Variants in TNFRSF14 observed in about 807,000 individuals in gnomAD.
The protein encoded by TNFRSF14 is TNF receptor superfamily member 14, also known as tumor necrosis factor receptor superfamily member 14.
TNFRSF14 carries 18 observed loss-of-function variants against 34.1 expected under a neutral mutation model. The observed-to-expected ratio is 0.53, with a 90% CI of 0.36 to 0.78. The LOEUF is 0.78. Among genes scored for constraint, TNFRSF14 ranks in the 30% least tolerant of loss-of-function variants. TNFRSF14 has a pLI of 0.00. For missense variants in TNFRSF14, 352 were observed against 379.5 expected (o/e 0.93, Z 0.60); for synonymous variants, 157 against 153.2 (o/e 1.02, Z -0.18).
At chr1:2,558,931 G>C in intron 3 of TNFRSF14, 1 of 1,364,916 alleles carries the variant, frequency 7.3e-7, no homozygotes, top group Non-Finnish European at 9.7e-7. Flanking sequence ...GGAGGCTGGT[G>C]CCCACCTGAG....
In TNFRSF14 at chr1:2,559,960, C is replaced by T. The variant is rs1315121556; in HGVS notation, c.442C>T (p.Gln148Ter). The change falls in exon 4 of 8, where the codon CAG becomes TAG. Residue 148 changes from glutamine (Q) to a stop codon, truncating the protein, a stop_gained. Coordinates refer to ENST00000355716, the MANE Select transcript of TNFRSF14 (RefSeq NM_003820.4). LOFTEE classifies it high-confidence loss of function. ...CGCTTACGCCACCTCCAGCCCGGGC[C>T]AGAGGGTGCAGAAGGGAGGTAAGCG... is the stretch of plus-strand genomic sequence containing the variant. ...CRAYATSSPG[Q>*]RVQKGGTESQ... 1 of 1,579,740 alleles carries T rather than the reference C, an allele frequency of 6.3e-7. No individual in the cohort carries two copies. Among genetic ancestry groups the T allele is most frequent in the South Asian group, 1.1e-5 (1 of 87,378 alleles).
intron 6 of TNFRSF14, chr1:2,562,131 G>C (rs952917038): frequency 7.0e-6 from 3 of 426,050 alleles, no homozygotes; most frequent in Admixed American, 8.2e-5. Flanking sequence ...TGCTCAGCTG[G>C]GAGAAGCTCT....
intron 3 of TNFRSF14, 175 bp downstream of exon 3, chr1:2,558,643 G>T: frequency 7.7e-7 from 1 of 1,302,508 alleles, no homozygotes; most frequent in Non-Finnish European, 1.0e-6. Flanking sequence ...GTCAGCCTCC[G>T]GCCCCCGTCC....
rs1178676603 is a variant in TNFRSF14 at position 2,559,657 on chromosome 1, C to T, written c.305-166C>T. On this transcript the variant is annotated intron_variant, in intron 3 of 7. Transcript: ENST00000355716. ...CGTCCCTTGGTGTCCCTCCCGGCCT[C>T]AGGTCCTCCATGCTGGGTACCTCTG... is the stretch of plus-strand genomic sequence containing the variant. The T allele has an allele frequency of 3.9e-6, 6 of 1,535,208 alleles. No individual in the cohort carries two copies. The East Asian group carries it at 1.2e-4, about 31-fold the overall frequency.
At chr1:2,562,762 AG>A in intron 6 of TNFRSF14, 102 bp from the exon 7 acceptor site, 1 of 1,445,392 alleles carries the variant, frequency 6.9e-7, no homozygotes, top group Non-Finnish European at 9.7e-7. Context: ...CCCAGGGAGA[AG>A]CAGGAGTTGT....
chr1:2,561,393 T>C lies in TNFRSF14; in HGVS notation c.552-280T>C. Reference sequence around the variant, plus strand: ...GCTCTGGGGTCTCTGCACTGCTGGCTGCCTCCCGCTTCTCTCCCCTCTCCC... The same window carrying C: ...GCTCTGGGGTCTCTGCACTGCTGGCCGCCTCCCGCTTCTCTCCCCTCTCCC... On this transcript the variant is annotated intron_variant, in intron 5 of 7. Coordinates refer to ENST00000355716, the MANE Select transcript of TNFRSF14 (RefSeq NM_003820.4). This position sits in a 1 kb window ranked among gnomAD's most constrained non-coding sequence, Gnocchi z 6.0. 2 of 1,214,234 alleles carry C rather than the reference T, an allele frequency of 1.6e-6. No homozygotes were observed. The highest frequency in any genetic ancestry group is 2.3e-6 in the Non-Finnish European group (2 of 881,776). 75.2% of individuals were successfully genotyped at this position (1,214,234 alleles called of 1,614,324 possible).
In TNFRSF14 at chr1:2,559,839, G is replaced by A. The variant is rs199662322; in HGVS notation, c.321G>A (p.Ala107=). 4.8e-5 allele frequency: 77 copies of A among 1,608,304 alleles called. No individual in the cohort carries two copies. Among genetic ancestry groups the A allele is most frequent in the East Asian group, 1.3e-4 (6 of 44,714 alleles). Residue 107 remains alanine, a synonymous_variant, in exon 4 of 8, where the codon GCG becomes GCA. Coordinates refer to ENST00000355716, the MANE Select transcript of TNFRSF14 (RefSeq NM_003820.4). The stretch of plus-strand genomic sequence containing the variant: ...GGACTCCAGCCATGGGCCTGCGCGC[G>A]AGCCGGAACTGCTCCAGGACAGAGA... The part of the protein sequence containing the change: ...QMCDPAMGLR[A]SRNCSRTENA...
intron 3 of TNFRSF14, chr1:2,559,619 C>A: frequency 6.5e-7 from 1 of 1,534,418 alleles, no homozygotes; most frequent in Non-Finnish European, 8.7e-7. Flanking sequence ...CCTCGTCCCA[C>A]ACGCAGCTCT....
At position 2,561,911 on chromosome 1, in the gene TNFRSF14, C is replaced by A; in HGVS notation, c.694+96C>A. 1 of 1,361,232 alleles carries A rather than the reference C, an allele frequency of 7.3e-7. No homozygotes were observed. Among genetic ancestry groups the A allele is most frequent in the Non-Finnish European group, 1.0e-6 (1 of 992,050 alleles). The allele number at this position is 1,361,232 out of a possible 1,614,324, so 84.3% of individuals were successfully genotyped here. A position where few individuals can be genotyped will look rare whatever the true frequency, so the allele number is the denominator to read the frequency against. On this transcript the variant is annotated intron_variant, in intron 6 of 7. Coordinates refer to ENST00000355716, the MANE Select transcript of TNFRSF14 (RefSeq NM_003820.4). The surrounding 1 kb of genome is among the most constrained non-coding windows in gnomAD (Gnocchi z 6.0). The stretch of plus-strand genomic sequence containing the variant: ...CCTGGGAGGTGGCCCCAGAGCTTTT[C>A]CAGGATCCGCGGCTCCTCCCAGGGC...
chr1:2,556,309 A>G (rs947325390), upstream of TNFRSF14: 16 of 584,082 alleles, frequency 2.7e-5, no homozygotes, highest in Admixed American at 3.5e-4. Context: ...TCTACAGGAA[A>G]CCCGGAGTGG....
chr1:2,557,894 T>G lies in TNFRSF14; in HGVS notation c.178+60T>G, dbSNP rs1395756137. 19 of 1,376,664 alleles carry G rather than the reference T, an allele frequency of 1.4e-5. No individual in the cohort carries two copies. The East Asian group carries it at 4.8e-4, about 35-fold the overall frequency. 85.3% of individuals were successfully genotyped at this position (1,376,664 alleles called of 1,614,324 possible). A position where few individuals can be genotyped will look rare whatever the true frequency, so the allele number is the denominator to read the frequency against. On this transcript the variant is annotated intron_variant, in intron 2 of 7. Coordinates refer to ENST00000355716, the MANE Select transcript of TNFRSF14 (RefSeq NM_003820.4). ...GCCGAGGGCAGACACTCTTGCCCCC[T>G]TCTGCCCCAGACACCCCTGTGTTCT...
upstream of TNFRSF14, among the ~76,000 whole-genome samples, chr1:2,554,472 G>C (rs56083892): frequency 2.6e-5 from 4 of 152,164 alleles, no homozygotes; most frequent in African/African-American, 9.7e-5. This position sits in a 1 kb window ranked among gnomAD's most constrained non-coding sequence, Gnocchi z 4.2. Flanking sequence ...GGGCCGAGGC[G>C]GGCGGATACG....
chr1:2,558,612 C>A (rs1644255250), intron 3 of TNFRSF14, 144 bp downstream of exon 3: 4 of 1,466,728 alleles, frequency 2.7e-6, no homozygotes, highest in African/African-American at 1.4e-5. Context: ...CATGGATGCA[C>A]CCTGCAGGGG....
chr1:2,558,679 C>A, intron 3 of TNFRSF14: 1 of 1,157,694 alleles, frequency 8.6e-7, no homozygotes, highest in Non-Finnish European at 1.2e-6. Context: ...CTCACTTTGT[C>A]ACCGCCAGGT....
At chr1:2,559,441 A>C (rs532759066) in intron 3 of TNFRSF14, 4 of 1,402,972 alleles carry the variant, frequency 2.9e-6, no homozygotes, top group Non-Finnish European at 3.8e-6. Context: ...TGGTTTGCAC[A>C]GATGGGAAAC....
rs556710728 is a variant in TNFRSF14 at position 2,562,884 on chromosome 1, C to G, written c.714C>G (p.Ile238Met). 13 of 1,613,736 alleles carry G rather than the reference C, an allele frequency of 8.1e-6. No homozygotes were observed. Among genetic ancestry groups the G allele is most frequent in the African/African-American group, 4.0e-5 (3 of 74,888 alleles). The change falls in exon 7 of 8, where the codon ATC (isoleucine) becomes ATG (methionine). Residue 238 changes from isoleucine to methionine, a missense_variant. By Grantham distance (10) the Ile-to-Met change is conservative (BLOSUM62 1). Transcript: ENST00000355716. ...RKPRGDVVKV[I>M]VSVQRKRQEA... is the part of the protein sequence containing the mutation. ...TTGCAGGTGATGTAGTCAAGGTGATCGTCTCCGTCCAGGTATTGATCCTCC... is the reference window on the plus strand; with the variant it reads ...TTGCAGGTGATGTAGTCAAGGTGATGGTCTCCGTCCAGGTATTGATCCTCC...
intron 2 of TNFRSF14, 107 bp from the exon 3 acceptor site, chr1:2,558,236 C>G (rs1473955673): frequency 6.7e-7 from 1 of 1,483,640 alleles, no homozygotes; most frequent in Admixed American, 2.4e-5. Flanking sequence ...TTTGAGTCCC[C>G]TTAGCTGGTG....
rs377339116 is a variant in TNFRSF14, at chr1:2,561,856, C to T, written c.694+41C>T. The T allele has an allele frequency of 2.3e-5, 36 of 1,593,704 alleles. No homozygotes were observed. In the African/African-American group the frequency reaches 3.1e-4, roughly 14 times the overall value. On this transcript the variant is annotated intron_variant, in intron 6 of 7. Transcript: ENST00000355716. This position sits in a 1 kb window ranked among gnomAD's most constrained non-coding sequence, Gnocchi z 6.0. ...CCCCATCAGGGCTCATGTCCCCAGC[C>T]GTCACCTCTTGGAGCTCTGTCACCC...
chr1:2,557,214 C>G (rs1644228966), intron 1 of TNFRSF14, among the ~76,000 whole-genome samples: 1 of 152,234 alleles, frequency 6.6e-6, no homozygotes, highest in Admixed American at 6.5e-5. Context: ...AGCCACTATC[C>G]CCATCAGGGG....
Sources: gnomAD v4.1 joint callset for allele counts (sites outside exome capture counted in the v4.1 genomes callset) on GRCh38, gnomAD v4.1.1 for gene constraint, Gnocchi (gnomAD v3.1) non-coding constraint, MANE v1.5 for transcripts, NCBI Gene and HGNC (gene_info 2026-07-23, HGNC 2026-07-21) for gene names.